The following CCR7 variants were observed in gnomAD, a reference collection of about 807,000 sequenced individuals.
CCR7 encodes the protein C-C chemokine receptor type 7.
In CCR7, 11 loss-of-function variants were observed where a neutral mutation model predicts 26.0. The ratio of observed to expected loss-of-function variants is 0.42; its 90% CI spans 0.27 to 0.70. The LOEUF is 0.70. Ranked by LOEUF, CCR7 falls within the 30% of genes least tolerant of loss-of-function variation. The pLI, the probability that CCR7 is intolerant of heterozygous loss-of-function variation, is 0.23. For synonymous variants in CCR7, 189 were observed against 202.1 expected (o/e 0.94, Z 0.55); for missense variants, 360 against 504.0 (o/e 0.71, Z 2.74).
intron 1 of CCR7, among the ~76,000 whole-genome samples, chr17:40,561,736 G>A (rs1230530282): frequency 6.6e-6 from 1 of 152,048 alleles, no homozygotes; most frequent in East Asian, 1.9e-4. Context: ...CCCCAAGAGC[G>A]ACCCCAAGCT....
In CCR7 at chr17:40,554,363, G is replaced by T. The variant is rs2036552395; in HGVS notation, c.*379C>A. On this transcript the variant is annotated 3_prime_UTR_variant, in exon 3 of 3. Transcript: ENST00000246657. Reference sequence around the variant, plus strand: ...GTCTGAGCATTTGAGTCTGTGGGAGGCCAGAAGGTTCATTCAGAGGACTCT... The same window carrying T: ...GTCTGAGCATTTGAGTCTGTGGGAGTCCAGAAGGTTCATTCAGAGGACTCT... The T allele has an allele frequency of 5.3e-6, 1 of 187,492 alleles. No individual in the cohort carries two copies. Among genetic ancestry groups the T allele is most frequent in the Non-Finnish European group, 1.1e-5 (1 of 90,326 alleles). 11.6% of individuals were successfully genotyped at this position (187,492 alleles called of 1,614,324 possible).
In CCR7 at chr17:40,554,443, A is replaced by C; in HGVS notation, c.*299T>G. On this transcript the variant is annotated 3_prime_UTR_variant, in exon 3 of 3. Coordinates refer to ENST00000246657, the MANE Select transcript of CCR7 (RefSeq NM_001838.4). ...CCCTCCTTGGCCCCTTCACTCCAGC[A>C]GGTGGGAACAGTTTCTGGACTTTCA... 2.7e-6 allele frequency: 1 copy of C among 370,482 alleles called. No homozygotes were observed. Among genetic ancestry groups the C allele is most frequent in the Non-Finnish European group, 4.9e-6 (1 of 202,994 alleles). The allele number at this position is 370,482 out of a possible 1,614,324, so 22.9% of individuals were successfully genotyped here.
rs2036557375 is a variant in CCR7, at chr17:40,554,645, C to A, written c.*97G>T. 2 of 963,888 alleles carry A rather than the reference C, an allele frequency of 2.1e-6. No homozygotes were observed. Among genetic ancestry groups the A allele is most frequent in the Admixed American group, 2.3e-5 (1 of 43,460 alleles). The allele number at this position is 963,888 out of a possible 1,614,324, so 59.7% of individuals were successfully genotyped here. A position where few individuals can be genotyped will look rare whatever the true frequency, so the allele number is the denominator to read the frequency against. On this transcript the variant is annotated 3_prime_UTR_variant, in exon 3 of 3. Coordinates refer to ENST00000246657, the MANE Select transcript of CCR7 (RefSeq NM_001838.4). Reference sequence around the variant, plus strand: ...GGGAGAGCTGCTTTTCCCTGAGCAGCTTTTGGCGGGGGGATGTCCTGAGTC... The same window carrying A: ...GGGAGAGCTGCTTTTCCCTGAGCAGATTTTGGCGGGGGGATGTCCTGAGTC...
chr17:40,558,737 A>T (rs2036619636), intron 2 of CCR7, among the ~76,000 whole-genome samples, 156 bp downstream of exon 2: 1 of 152,132 alleles, frequency 6.6e-6, no homozygotes, highest in African/African-American at 2.4e-5. Flanking sequence ...GTCACTCAGC[A>T]GATGGTGAGG....
Position 40,561,797 on chromosome 17 carries a change from C to CT in CCR7, c.11-2856dup, listed in dbSNP as rs1029900824. On this transcript the variant is annotated intron_variant, in intron 1 of 2. Transcript: ENST00000246657. ...GCCAACACAACTTTTCTCTCTCTCT[C>CT]TTTTTTTTTGGATAAGGGAGGCAGA... Among the ~76,000 whole-genome samples, 691 of 151,344 alleles carry CT rather than the reference C, an allele frequency of 4.6e-3. 4 individuals are homozygous for CT. Among genetic ancestry groups the CT allele is most frequent in the African/African-American group, 0.015 (628 of 41,280 alleles).
intron 1 of CCR7, among the ~76,000 whole-genome samples, chr17:40,561,297 G>A (rs1265683980): frequency 6.6e-6 from 1 of 152,218 alleles, no homozygotes; most frequent in Non-Finnish European, 1.5e-5. Flanking sequence ...AGGTGGATGA[G>A]CAAGGGTCTT....
At chr17:40,562,628 A>G (rs973356424) in intron 1 of CCR7, among the ~76,000 whole-genome samples, 13 of 152,294 alleles carry the variant, frequency 8.5e-5, no homozygotes, top group African/African-American at 2.9e-4. Context: ...CATTGTTTTC[A>G]GGATAAAGTT....
chr17:40,559,769 A>C (rs1272451043), intron 1 of CCR7, among the ~76,000 whole-genome samples: 1 of 152,224 alleles, frequency 6.6e-6, no homozygotes, highest in Non-Finnish European at 1.5e-5. Context: ...ATGAATGATG[A>C]ATAAATACAT....
chr17:40,558,625 G>A (rs1288836282), intron 2 of CCR7, among the ~76,000 whole-genome samples: 1 of 152,190 alleles, frequency 6.6e-6, no homozygotes, highest in Non-Finnish European at 1.5e-5. Context: ...CTCCTGGGCA[G>A]GGAGATTGGA....
At chr17:40,556,327 G>C (rs1009288986) in intron 2 of CCR7, among the ~76,000 whole-genome samples, 1 of 152,126 alleles carries the variant, frequency 6.6e-6, no homozygotes, top group Non-Finnish European at 1.5e-5. Flanking sequence ...ACTCCAATAC[G>C]CATCACCTGA....
In CCR7 at chr17:40,556,167, G is replaced by A. The variant is rs375464697; in HGVS notation, c.61-349C>T. ...TGAGGTCCGCATCATCAGTATCATA[G>A]CATCACCTGGGAACTTGTTAGGAAT... On this transcript the variant is annotated intron_variant, in intron 2 of 2. Coordinates refer to ENST00000246657, the MANE Select transcript of CCR7 (RefSeq NM_001838.4). 1.7e-4 allele frequency among the ~76,000 whole-genome samples: 26 copies of A among 152,250 alleles called. No individual in the cohort carries two copies. In the East Asian group the frequency reaches 3.5e-3, roughly 20 times the overall value.
In CCR7 at chr17:40,555,904, C is replaced by A; in HGVS notation, c.61-86G>T. 2.2e-6 allele frequency: 2 copies of A among 894,892 alleles called. No homozygotes were observed. The highest frequency in any genetic ancestry group is 3.4e-6 in the Non-Finnish European group (2 of 581,378). The allele number at this position is 894,892 out of a possible 1,614,324, so 55.4% of individuals were successfully genotyped here. A position where few individuals can be genotyped will look rare whatever the true frequency, so the allele number is the denominator to read the frequency against. On this transcript the variant is annotated intron_variant, in intron 2 of 2. Coordinates refer to ENST00000246657, the MANE Select transcript of CCR7 (RefSeq NM_001838.4). The surrounding 1 kb of genome is among the most constrained non-coding windows in gnomAD (Gnocchi z 5.6). ...GGGATTTAGCCTAGAGCAGTGGTTT[C>A]TTTCTTTTTTTTTTTTCTTGAGACA... is the stretch of plus-strand genomic sequence containing the variant.
In CCR7 at chr17:40,554,959, G is replaced by A; in HGVS notation, c.920C>T (p.Ala307Val). Reference sequence around the variant, plus strand: ...GGCCAGGCTGTAGGTGACGTCGTAGGCGATGTTGAGTTGCTTACTGAGCTC... The same window carrying A: ...GGCCAGGCTGTAGGTGACGTCGTAGACGATGTTGAGTTGCTTACTGAGCTC... Reference protein sequence around the residue: ...TCELSKQLNIAYDVTYSLACV... With the variant: ...TCELSKQLNIVYDVTYSLACV... Residue 307 changes from alanine to valine, a missense_variant, in exon 3 of 3, where the codon GCC (alanine) becomes GTC (valine). Ala to Val is a moderately conservative substitution (Grantham distance 64, BLOSUM62 0). Transcript: ENST00000246657. 1 of 1,614,230 alleles carries A rather than the reference G, an allele frequency of 6.2e-7. No individual in the cohort carries two copies.
intron 1 of CCR7, chr17:40,561,141 G>A (rs1005940885): frequency 6.6e-6 from 1 of 152,248 alleles, no homozygotes; most frequent in African/African-American, 2.4e-5. Context: ...TGAGATCTGA[G>A]GAGCAAGAAC....
At chr17:40,557,224 A>G (rs185199556) in intron 2 of CCR7, among the ~76,000 whole-genome samples, 50 of 152,304 alleles carry the variant, frequency 3.3e-4, no homozygotes, top group African/African-American at 1.1e-3. Context: ...GATTTTATCA[A>G]TGAAGGAGGG....
chr17:40,559,554 C>T (rs938258521), intron 1 of CCR7, among the ~76,000 whole-genome samples: 1 of 152,152 alleles, frequency 6.6e-6, no homozygotes, highest in Non-Finnish European at 1.5e-5. Context: ...TGGTCCACAG[C>T]GATGGAGACT....
intron 2 of CCR7, among the ~76,000 whole-genome samples, chr17:40,557,776 C>G (rs139328413): frequency 1.3e-5 from 2 of 152,204 alleles, no homozygotes; most frequent in African/African-American, 4.8e-5. Flanking sequence ...TTCTCCCTCC[C>G]CTAGCCTCAC....
At position 40,555,392 on chromosome 17, in the gene CCR7, A is replaced by C. The variant is rs1297487522; in HGVS notation, c.487T>G (p.Ser163Ala). 6.2e-7 allele frequency: 1 copy of C among 1,613,970 alleles called. No individual in the cohort carries two copies. Among genetic ancestry groups the C allele is most frequent in the Non-Finnish European group, 8.5e-7 (1 of 1,180,046 alleles). Reference sequence around the variant, plus strand: ...ACGCGGGCACGGTGGCGGTGAGCTGAGACAGCCTGGACGATGGCCACGTAG... The same window carrying C: ...ACGCGGGCACGGTGGCGGTGAGCTGCGACAGCCTGGACGATGGCCACGTAG... ...DRYVAIVQAV[S>A]AHRHRARVLL... Residue 163 changes from serine to alanine, a missense_variant, in exon 3 of 3, where the codon TCA becomes GCA. Transcript: ENST00000246657. The surrounding 1 kb of genome is among the most constrained non-coding windows in gnomAD (Gnocchi z 5.6).
chr17:40,560,285 C>T (rs1364048549), intron 1 of CCR7, among the ~76,000 whole-genome samples: 1 of 152,216 alleles, frequency 6.6e-6, no homozygotes, highest in East Asian at 1.9e-4. Context: ...AGGGCCTGGC[C>T]CACTGGAGAG....
Sources: allele counts gnomAD v4.1 joint callset (sites outside exome capture counted in the v4.1 genomes callset), GRCh38; gene constraint gnomAD v4.1.1; non-coding constraint Gnocchi (gnomAD v3.1); transcripts MANE v1.5; gene names NCBI Gene and HGNC (gene_info 2026-07-23, HGNC 2026-07-21).